The following MINK1 variants were observed in gnomAD, a reference collection of about 807,000 sequenced individuals.
MINK1 encodes the protein misshapen like kinase 1.
Under a neutral mutation model 178.4 loss-of-function variants are expected in MINK1, and 46 were observed. The observed-to-expected ratio is 0.26, with a 90% CI of 0.20 to 0.33. The LOEUF (loss-of-function observed/expected upper bound fraction) is 0.33. Ranked by LOEUF, MINK1 falls within the 10% of genes least tolerant of loss-of-function variation. MINK1 has a pLI of 1.00. For synonymous variants in MINK1, 797 were observed against 709.7 expected (o/e 1.12, Z -1.96); for missense variants, 1,366 against 1,814.9 (o/e 0.75, Z 4.49).
chr17:4,871,392 A>G (rs1408627994), intron 1 of MINK1, among the ~76,000 whole-genome samples: 1 of 151,682 alleles, frequency 6.6e-6, no homozygotes, highest in African/African-American at 2.4e-5. Flanking sequence ...TGGTCTTATT[A>G]TCTTGCCAAG....
chr17:4,892,103 TGCCTGTCGCAGC>T (rs751616938), intron 16 of MINK1, 34 bp from the exon 17 acceptor site: 15 of 1,468,804 alleles, frequency 1.0e-5, no homozygotes, highest in Non-Finnish European at 1.3e-5. Context: ...ATCTGAGAAG[TGCCTGTCGCAGC>T]GCCAGCTCGC....
Position 4,885,362 on chromosome 17 carries a change from GT to G in MINK1, c.509-120del. 7.6e-7 allele frequency: 1 copy of G among 1,320,282 alleles called. No homozygotes were observed. The highest frequency in any genetic ancestry group is 1.1e-6 in the Non-Finnish European group (1 of 946,366). 81.8% of individuals were successfully genotyped at this position (1,320,282 alleles called of 1,614,324 possible). A position where few individuals can be genotyped will look rare whatever the true frequency, so the allele number is the denominator to read the frequency against. On this transcript the variant is annotated intron_variant, in intron 6 of 31. Coordinates refer to ENST00000355280, the MANE Select transcript of MINK1 (RefSeq NM_153827.5). This position sits in a 1 kb window ranked among gnomAD's most constrained non-coding sequence, Gnocchi z 5.0. ...TGGTGGGGTAAAGGAGGGTGCTGGG[GT>G]GTCTGGGTCGGGCCAGGACCACAGC...
chr17:4,897,167 C>A (rs370028036), intron 31 of MINK1, 37 bp from the exon 32 acceptor site: 4 of 1,584,838 alleles, frequency 2.5e-6, no homozygotes, highest in South Asian at 1.1e-5. Context: ...CCCCCCCAAC[C>A]TCAGCCCTTG....
chr17:4,897,159 C>T (rs1324393005), intron 31 of MINK1, 45 bp from the exon 32 acceptor site: 2 of 1,539,480 alleles, frequency 1.3e-6, no homozygotes, highest in Non-Finnish European at 1.8e-6. Context: ...TTGAGACACC[C>T]CCCCAACCTC....
In MINK1 at chr17:4,896,802, C is replaced by T. The variant is rs1441849083; in HGVS notation, c.3904C>T (p.Arg1302Trp). Residue 1302 changes from arginine (R) to tryptophan (W), a missense_variant, in exon 31 of 32, where the codon CGG becomes TGG. By Grantham distance (101) the Arg-to-Trp change is moderately radical. Transcript: ENST00000355280. The surrounding 1 kb of genome is among the most constrained non-coding windows in gnomAD (Gnocchi z 4.6). ...RAQRLKFLCERNDKVFFASVR... is the reference protein window; with the variant it reads ...RAQRLKFLCEWNDKVFFASVR... ...TCAGAGGCTCAAGTTCCTGTGTGAG[C>T]GGAATGACAAGGTGGGAGGCTCCTT... 1.3e-6 allele frequency: 2 copies of T among 1,565,986 alleles called. No individual in the cohort carries two copies. The highest frequency in any genetic ancestry group is 1.7e-6 in the Non-Finnish European group (2 of 1,156,404).
At chr17:4,870,143 A>G (rs1915679591) in intron 1 of MINK1, among the ~76,000 whole-genome samples, 1 of 149,328 alleles carries the variant, frequency 6.7e-6, no homozygotes, top group South Asian at 2.1e-4. Flanking sequence ...CGATCTCCTG[A>G]CCTCATGATC....
rs969631447 is a variant in MINK1, at chr17:4,887,846, G to A, written c.1230+56G>A. ...CGCGGCCTCCTCCTGACCTGCCCCGGGTCCATTAGGGCCTTGGAGAACAGG... is the reference window on the plus strand; with the variant it reads ...CGCGGCCTCCTCCTGACCTGCCCCGAGTCCATTAGGGCCTTGGAGAACAGG... On this transcript the variant is annotated intron_variant, in intron 12 of 31. Transcript: ENST00000355280. The surrounding 1 kb of genome is among the most constrained non-coding windows in gnomAD (Gnocchi z 7.6). 13 of 1,358,126 alleles carry A rather than the reference G, an allele frequency of 9.6e-6. No homozygotes were observed. The highest frequency in any genetic ancestry group is 1.3e-5 in the Non-Finnish European group (13 of 1,031,464). 84.1% of individuals were successfully genotyped at this position (1,358,126 alleles called of 1,614,324 possible). A position where few individuals can be genotyped will look rare whatever the true frequency, so the allele number is the denominator to read the frequency against.
rs1347942166 is a variant in MINK1 at position 4,885,230 on chromosome 17, G to A, written c.508+228G>A. On this transcript the variant is annotated intron_variant, in intron 6 of 31. Transcript: ENST00000355280. This position sits in a 1 kb window ranked among gnomAD's most constrained non-coding sequence, Gnocchi z 5.0. ...GGCCAGGTGCTCTGCAGGTTGCTCT[G>A]GGGAGATGGGATCTGATGGCCCTCC... Among the ~76,000 whole-genome samples the A allele has an allele frequency of 6.6e-6, 1 of 152,162 alleles. No homozygotes were observed. Among genetic ancestry groups the A allele is most frequent in the Non-Finnish European group, 1.5e-5 (1 of 68,020 alleles).
intron 16 of MINK1, 70 bp from the exon 17 acceptor site, chr17:4,892,079 G>A (rs1968879497): frequency 2.3e-6 from 3 of 1,312,674 alleles, no homozygotes; most frequent in Non-Finnish European, 3.2e-6. Context: ...ACCTCTCAGA[G>A]GTGAGGCTTA....
At position 4,887,275 on chromosome 17, in the gene MINK1, G is replaced by C. The variant is rs1189182648; in HGVS notation, c.1019+96G>C. The C allele has an allele frequency of 2.3e-6, 3 of 1,303,638 alleles. No homozygotes were observed. The African/African-American group carries it at 4.4e-5, about 19-fold the overall frequency. 80.8% of individuals were successfully genotyped at this position (1,303,638 alleles called of 1,614,324 possible). On this transcript the variant is annotated intron_variant, in intron 11 of 31. Coordinates refer to ENST00000355280, the MANE Select transcript of MINK1 (RefSeq NM_153827.5). This position sits in a 1 kb window ranked among gnomAD's most constrained non-coding sequence, Gnocchi z 7.6. ...TTTGGGGACTCTCAGCCTGGGGGTGGTGGGCACAGAGAGGTAGAGACTCCT... is the reference window on the plus strand; with the variant it reads ...TTTGGGGACTCTCAGCCTGGGGGTGCTGGGCACAGAGAGGTAGAGACTCCT...
chr17:4,883,558 G>A (rs1054586411), intron 4 of MINK1, among the ~76,000 whole-genome samples: 1 of 151,680 alleles, frequency 6.6e-6, no homozygotes, highest in Non-Finnish European at 1.5e-5. Flanking sequence ...TTGAGACAGA[G>A]TCTCACTCTG....
chr17:4,855,003 T>C (rs1912794597), intron 1 of MINK1, among the ~76,000 whole-genome samples: 1 of 151,460 alleles, frequency 6.6e-6, no homozygotes, highest in African/African-American at 2.4e-5. Context: ...GGTCAGCAAT[T>C]CGAGACCAGC....
chr17:4,843,504 GA>G (rs991800775), intron 1 of MINK1, among the ~76,000 whole-genome samples: 123 of 150,558 alleles, frequency 8.2e-4, no homozygotes, highest in Middle Eastern at 6.8e-3. Context: ...AAAAGAAAAA[GA>G]AAAAAAAGGA....
chr17:4,884,482 A>G lies in MINK1; in HGVS notation c.417+9A>G, dbSNP rs1597526519. On this transcript the variant is annotated intron_variant, in intron 5 of 31. Coordinates refer to ENST00000355280, the MANE Select transcript of MINK1 (RefSeq NM_153827.5). ...GCAGGGAGATCCTCAGGGTGAGCTC[A>G]AGGCCCCTCCCCTTGTCTTCTCCTC... 1.9e-6 allele frequency: 3 copies of G among 1,597,180 alleles called. No individual in the cohort carries two copies. Among genetic ancestry groups the G allele is most frequent in the Non-Finnish European group, 1.7e-6 (2 of 1,164,838 alleles).
chr17:4,843,994 G>T (rs749866386), intron 1 of MINK1, among the ~76,000 whole-genome samples: 1 of 151,952 alleles, frequency 6.6e-6, no homozygotes, highest in Non-Finnish European at 1.5e-5. Context: ...TTTTCTGCCT[G>T]TTTTTTGGTT....
At chr17:4,888,553 G>A (rs543711556) in intron 12 of MINK1, among the ~76,000 whole-genome samples, 95 of 151,952 alleles carry the variant, frequency 6.3e-4, no homozygotes, top group South Asian at 1.2e-3. Context: ...CAGGAGAATC[G>A]CTTGAACCTG....
rs754427260 is a variant in MINK1 at position 4,890,964 on chromosome 17, C to G, written c.1580C>G (p.Thr527Arg). 2 of 1,556,450 alleles carry G rather than the reference C, an allele frequency of 1.3e-6. No homozygotes were observed. The highest frequency in any genetic ancestry group is 1.7e-6 in the Non-Finnish European group (2 of 1,149,884). The change falls in exon 15 of 32, where the codon ACA becomes AGA. Residue 527 changes from threonine (T) to arginine (R), a missense_variant. By Grantham distance (71) the Thr-to-Arg change is moderately conservative (BLOSUM62 -1). This residue lies in a region of MINK1 where 709 missense variants were observed against 692.3 expected (regional missense o/e 1.02). Coordinates refer to ENST00000355280, the MANE Select transcript of MINK1 (RefSeq NM_153827.5). Reference sequence around the variant, plus strand: ...TTCACATCACAGGTAGAAGAGAGAACAAGGATGAACAAGCAGCAGAACTCT... The same window carrying G: ...TTCACATCACAGGTAGAAGAGAGAAGAAGGATGAACAAGCAGCAGAACTCT... Reference protein sequence around the residue: ...PAWAREVEERTRMNKQQNSPL... With the variant: ...PAWAREVEERRRMNKQQNSPL...
Position 4,873,621 on chromosome 17 carries a change from T to TTTC in MINK1, c.58-4694_58-4693insCTT, listed in dbSNP as rs1555535362. Among the ~76,000 whole-genome samples, 17 of 146,860 alleles carry TTTC rather than the reference T, an allele frequency of 1.2e-4. 1 individual carries two copies. The South Asian group carries it at 3.5e-3, about 30-fold the overall frequency. On this transcript the variant is annotated intron_variant, in intron 1 of 31. Transcript: ENST00000355280. ...TTCGCCACTCTTTTTTCTTTTCTTT[T>TTTC]TTTTTTTTTTTTTTTGAGAAGGCGT...
At chr17:4,860,825 C>T (rs1914055158) in intron 1 of MINK1, 2 of 518,832 alleles carry the variant, frequency 3.9e-6, no homozygotes, top group Admixed American at 1.9e-5. Context: ...CACCAGTGCG[C>T]GCCACGTGCT....
Sources: allele counts gnomAD v4.1 joint callset (sites outside exome capture counted in the v4.1 genomes callset), GRCh38; gene constraint gnomAD v4.1.1; regional missense constraint gnomAD v4.1.1; non-coding constraint Gnocchi (gnomAD v3.1); transcripts MANE v1.5; gene names NCBI Gene and HGNC (gene_info 2026-07-23, HGNC 2026-07-21).